GREB1L: variants seen among roughly 807,000 people sequenced by gnomAD.
GREB1L encodes GREB1 like retinoic acid receptor coactivator.
In GREB1L, 17 loss-of-function variants were observed where a neutral mutation model predicts 200.8. The ratio of observed to expected loss-of-function variants is 0.08; its 90% confidence interval spans 0.06 to 0.13. GREB1L has a LOEUF of 0.13. Among genes scored for constraint, GREB1L ranks in the 10% least tolerant of loss-of-function variants. GREB1L has a pLI of 1.00. For missense variants in GREB1L, 1,657 were observed against 2,367.7 expected, an observed-to-expected ratio of 0.70 and a Z score of 6.23; for synonymous variants, 789 against 893.0, an observed-to-expected ratio of 0.88 and a Z score of 2.08.
chr18:21,278,395 AATAAAT>A (rs2038210761), intron 1 of GREB1L, among the ~76,000 whole-genome samples: 11 of 129,320 alleles, frequency 8.5e-5, no homozygotes, highest in African/African-American at 3.3e-4. Context: ...AAAAAAAATA[AATAAAT>A]AAATAAATAA....
intron 1 of GREB1L, among the ~76,000 whole-genome samples, chr18:21,254,174 A>T (rs2037763381): frequency 6.9e-6 from 1 of 145,670 alleles, no homozygotes; most frequent in Admixed American, 7.2e-5. Flanking sequence ...GGTTCAAGCG[A>T]TTCTCCTGTC....
chr18:21,302,324 A>G (rs1335721646), intron 1 of GREB1L, among the ~76,000 whole-genome samples: 1 of 152,194 alleles, frequency 6.6e-6, no homozygotes, highest in African/African-American at 2.4e-5. Flanking sequence ...TTTAATTATT[A>G]CTGTCAAAAG....
intron 1 of GREB1L, among the ~76,000 whole-genome samples, chr18:21,342,607 T>A (rs2039285474): frequency 6.6e-6 from 1 of 152,172 alleles, no homozygotes; most frequent in Admixed American, 6.5e-5. Flanking sequence ...ACTGCTTCCT[T>A]TGGTCATCTG....
intron 4 of GREB1L, among the ~76,000 whole-genome samples, chr18:21,394,908 A>T (rs1482529945): frequency 1.3e-5 from 2 of 148,870 alleles, no homozygotes; most frequent in Admixed American, 1.4e-4. Flanking sequence ...AGCCTGGCCA[A>T]CATGGGGAAG....
intron 7 of GREB1L, among the ~76,000 whole-genome samples, chr18:21,429,231 C>T (rs1428766198): frequency 1.0e-5 from 1 of 97,572 alleles, no homozygotes; most frequent in African/African-American, 3.9e-5. Flanking sequence ...CCCCTCCCTT[C>T]CTCTTCCCCT....
intron 31 of GREB1L, among the ~76,000 whole-genome samples, chr18:21,518,859 G>C (rs748304259): frequency 3.9e-5 from 6 of 151,930 alleles, no homozygotes; most frequent in Non-Finnish European, 5.9e-5. Context: ...CTTTAGAAAT[G>C]ATTACTGTAC....
intron 1 of GREB1L, among the ~76,000 whole-genome samples, chr18:21,293,134 G>C (rs959518309): frequency 6.6e-6 from 1 of 152,312 alleles, no homozygotes; most frequent in South Asian, 2.1e-4. Flanking sequence ...ATCACAAAAT[G>C]AGTGATTTTG....
chr18:21,259,029 G>A (rs1015600002), intron 1 of GREB1L, among the ~76,000 whole-genome samples: 12 of 152,118 alleles, frequency 7.9e-5, no homozygotes, highest in Non-Finnish European at 1.3e-4. Context: ...TGGACAAGAC[G>A]TCCAAAATCA....
chr18:21,309,405 G>A (rs1045360625), intron 1 of GREB1L, among the ~76,000 whole-genome samples: 1 of 152,152 alleles, frequency 6.6e-6, no homozygotes, highest in Admixed American at 6.5e-5. Context: ...AAGGCCTCAC[G>A]GTCATCTTTA....
intron 1 of GREB1L, among the ~76,000 whole-genome samples, chr18:21,242,702 C>T (rs1186777893): frequency 6.6e-6 from 1 of 152,182 alleles, no homozygotes; most frequent in East Asian, 1.9e-4. Flanking sequence ...AGGCCTGTCA[C>T]CGGGCTCTAC....
At chr18:21,369,031 G>C (rs2039775759) in intron 2 of GREB1L, among the ~76,000 whole-genome samples, 1 of 152,206 alleles carries the variant, frequency 6.6e-6, no homozygotes, top group Non-Finnish European at 1.5e-5. Flanking sequence ...AAAATATTTA[G>C]TTATCTATGC....
At position 21,524,087 on chromosome 18, in the gene GREB1L, G is replaced by A. The variant is rs1247585824; in HGVS notation, c.*1266G>A. The A allele has an allele frequency of 6.6e-6, 1 of 152,108 alleles. No individual in the cohort carries two copies. Among genetic ancestry groups the A allele is most frequent in the Non-Finnish European group, 1.5e-5 (1 of 68,022 alleles). The allele number at this position is 152,108 out of a possible 1,614,324, so 9.4% of individuals were successfully genotyped here. A position where few individuals can be genotyped will look rare whatever the true frequency, so the allele number is the denominator to read the frequency against. On this transcript the variant is annotated 3_prime_UTR_variant, in exon 33 of 33. Transcript: ENST00000424526. ...TTAAATTACTCCAGTTCTCATCATT[G>A]AACAATCTCTTGAGAGTTTTCTCAT...
intron 1 of GREB1L, among the ~76,000 whole-genome samples, chr18:21,303,475 G>C (rs1290401579): frequency 1.3e-5 from 2 of 152,104 alleles, no homozygotes; most frequent in African/African-American, 4.8e-5. Context: ...ACATTTTTCC[G>C]GAGACTTTAT....
At chr18:21,498,805 C>G (rs1322998334) in intron 21 of GREB1L, among the ~76,000 whole-genome samples, 1 of 152,208 alleles carries the variant, frequency 6.6e-6, no homozygotes, top group Non-Finnish European at 1.5e-5. Context: ...GGCAGAGAGA[C>G]ACAGGCAGCT....
rs1288427317 is a variant in GREB1L at position 21,395,393 on chromosome 18, C to A, written c.364C>A (p.Gln122Lys). ...EGSCTTDGFC[Q>K]AGKDLRLVSL... is the part of the protein sequence containing the mutation. ...TTTAAACTGGTTTTTAGGTTTTTGT[C>A]AAGCAGGAAAGGATTTGCGTTTGGT... The change falls in exon 5 of 33, where the codon CAA (glutamine) becomes AAA (lysine). Residue 122 changes from glutamine (Q) to lysine (K), a missense_variant. Around this residue, in one of 9 missense-constraint regions of GREB1L, gnomAD observed 70 missense variants for 151.3 expected, o/e 0.46. Coordinates refer to ENST00000424526, the MANE Select transcript of GREB1L (RefSeq NM_001142966.3). The A allele has an allele frequency of 6.5e-7, 1 of 1,548,902 alleles. No homozygotes were observed. Among genetic ancestry groups the A allele is most frequent in the Admixed American group, 2.0e-5 (1 of 50,500 alleles).
chr18:21,358,361 AG>A (rs1421524236), intron 1 of GREB1L, among the ~76,000 whole-genome samples: 2 of 152,108 alleles, frequency 1.3e-5, no homozygotes, highest in Admixed American at 6.6e-5. Context: ...GCTAGAGTGG[AG>A]TGGAGTGCAG....
Position 21,477,290 on chromosome 18 carries a change from T to A in GREB1L, c.2490T>A (p.Thr830=). The A allele has an allele frequency of 6.4e-7, 1 of 1,551,650 alleles. No individual in the cohort carries two copies. The highest frequency in any genetic ancestry group is 1.2e-5 in the South Asian group (1 of 84,052). Residue 830 remains threonine (T), a synonymous_variant, in exon 17 of 33, where the codon ACT becomes ACA. Coordinates refer to ENST00000424526, the MANE Select transcript of GREB1L (RefSeq NM_001142966.3). ...LVLQVSSFPY[T]LQTQQSRISS... ...TCCAGGTCAGCTCCTTCCCATACAC[T>A]CTGCAGACCCAACAGTCCCGCATTA...
chr18:21,383,453 A>T (rs1269497327), intron 2 of GREB1L, 57 bp from the exon 3 acceptor site: 2 of 1,307,182 alleles, frequency 1.5e-6, no homozygotes, highest in Admixed American at 3.0e-5. Context: ...ACTTTGAGAC[A>T]TAGAACCTCT....
chr18:21,300,443 C>T (rs1180388507), intron 1 of GREB1L, among the ~76,000 whole-genome samples: 1 of 152,192 alleles, frequency 6.6e-6, no homozygotes, highest in Non-Finnish European at 1.5e-5. Flanking sequence ...TTTTATGCTT[C>T]TATTTTCTTT....
Sources: gnomAD v4.1 joint callset for allele counts (sites outside exome capture counted in the v4.1 genomes callset) on GRCh38, gnomAD v4.1.1 for gene constraint, gnomAD v4.1.1 regional missense constraint, MANE v1.5 for transcripts, NCBI Gene and HGNC (gene_info 2026-07-23, HGNC 2026-07-21) for gene names.